The following PACRG variants were observed in gnomAD, a reference collection of about 807,000 sequenced individuals.
PACRG encodes the protein parkin coregulated.
Under a neutral mutation model 29.7 loss-of-function variants are expected in PACRG, and 29 were observed. The ratio of observed to expected loss-of-function variants is 0.98; its 90% CI spans 0.73 to 1.33. The LOEUF (loss-of-function observed/expected upper bound fraction) is 1.33. Ranked by LOEUF, PACRG falls within the 40% of genes most tolerant of loss-of-function variation. PACRG has a pLI of 0.00. For missense variants in PACRG, 279 were observed against 316.2 expected, an observed-to-expected ratio of 0.88 and a Z score of 0.89; for synonymous variants, 116 against 118.7, an observed-to-expected ratio of 0.98 and a Z score of 0.15.
intron 4 of PACRG, among the ~76,000 whole-genome samples, chr6:163,118,724 TTAA>T (rs1414801764): frequency 6.6e-6 from 1 of 152,226 alleles, no homozygotes; most frequent in Non-Finnish European, 1.5e-5. Context: ...CTGGTTTGAC[TTAA>T]TAAGGTAACA....
chr6:162,738,566 CT>C (rs1002925138), intron 1 of PACRG, among the ~76,000 whole-genome samples: 22 of 152,248 alleles, frequency 1.4e-4, no homozygotes, highest in African/African-American at 5.1e-4. Context: ...TTGGAAGCAT[CT>C]AATGTGAGGC....
At position 163,197,996 on chromosome 6, in the gene PACRG, C is replaced by G. The variant is rs1016099026; in HGVS notation, c.613+108588C>G. Among the ~76,000 whole-genome samples, 6 of 152,334 alleles carry G rather than the reference C, an allele frequency of 3.9e-5. No homozygotes were observed. In the South Asian group the frequency reaches 8.3e-4, roughly 21 times the overall value. ...CATAGGGATATAATGACTTCATCAT[C>G]ACTGATGCAAAGAGAGGTTTCTAGA... On this transcript the variant is annotated intron_variant, in intron 4 of 4. Transcript: ENST00000366888.
At chr6:163,087,937 A>C (rs1813751934) in intron 3 of PACRG, among the ~76,000 whole-genome samples, 1 of 152,222 alleles carries the variant, frequency 6.6e-6, no homozygotes, top group Admixed American at 6.5e-5. Flanking sequence ...AGATACTGCA[A>C]AAGGAAAACC....
chr6:162,838,867 T>A (rs949776994), intron 2 of PACRG, among the ~76,000 whole-genome samples: 20 of 149,500 alleles, frequency 1.3e-4, no homozygotes, highest in Non-Finnish European at 1.9e-4. Context: ...CTTGCGATAG[T>A]TTACTGAGAA....
chr6:163,210,796 G>T (rs1304500803), intron 4 of PACRG, among the ~76,000 whole-genome samples: 1 of 152,160 alleles, frequency 6.6e-6, no homozygotes, highest in Non-Finnish European at 1.5e-5. Context: ...GAAGATATAG[G>T]ACATGTTAAG....
chr6:162,918,900 G>C (rs1796877652), intron 2 of PACRG, among the ~76,000 whole-genome samples: 1 of 151,998 alleles, frequency 6.6e-6, no homozygotes, highest in Non-Finnish European at 1.5e-5. Context: ...ATAATTAATA[G>C]TTATTTAATA....
At chr6:163,223,943 C>T (rs1231731169) in intron 4 of PACRG, among the ~76,000 whole-genome samples, 4 of 152,306 alleles carry the variant, frequency 2.6e-5, no homozygotes, top group Non-Finnish European at 4.4e-5. Context: ...ACAGAAATAA[C>T]GCCTATAAGA....
intron 4 of PACRG, among the ~76,000 whole-genome samples, chr6:163,134,925 C>G (rs1816868570): frequency 6.6e-6 from 1 of 152,164 alleles, no homozygotes; most frequent in South Asian, 2.1e-4. Context: ...CCGACACCAC[C>G]TGTGGACCCC....
At chr6:163,051,087 T>A (rs1809960875) in intron 2 of PACRG, among the ~76,000 whole-genome samples, 1 of 152,260 alleles carries the variant, frequency 6.6e-6, no homozygotes, top group African/African-American at 2.4e-5. Flanking sequence ...TCCAGATCTC[T>A]AATTCTCTTT....
chr6:163,211,715 A>G (rs1418615540), intron 4 of PACRG, among the ~76,000 whole-genome samples: 3 of 152,196 alleles, frequency 2.0e-5, no homozygotes, highest in African/African-American at 2.4e-5. Flanking sequence ...AGAGTTACCA[A>G]TGTAAGCAGT....
At chr6:163,287,306 G>GT (rs1161792947) in intron 4 of PACRG, among the ~76,000 whole-genome samples, 3 of 152,056 alleles carry the variant, frequency 2.0e-5, no homozygotes, top group African/African-American at 4.8e-5. Context: ...TCTGAACAAC[G>GT]TTTTGGAAAC....
Position 162,829,390 on chromosome 6 carries a change from A to T in PACRG, c.291+15109A>T, listed in dbSNP as rs117023396. ...TGTATCTGAGAAATTAATGGAATTA[A>T]ATGAAAAGAGATGAAACTGAGTATT... is the stretch of plus-strand genomic sequence containing the variant. On this transcript the variant is annotated intron_variant, in intron 2 of 4. Transcript: ENST00000366888. Among the ~76,000 whole-genome samples, 53 of 152,382 alleles carry T rather than the reference A, an allele frequency of 3.5e-4. No homozygotes were observed. The East Asian group carries it at 7.5e-3, about 22-fold the overall frequency.
At chr6:162,875,713 C>T (rs989347137) in intron 2 of PACRG, among the ~76,000 whole-genome samples, 1 of 152,144 alleles carries the variant, frequency 6.6e-6, no homozygotes, top group Admixed American at 6.5e-5. Context: ...TAATTGTGTC[C>T]TTGACTTGGG....
chr6:163,206,170 TAAAAC>T (rs755935873), intron 4 of PACRG, among the ~76,000 whole-genome samples: 21 of 152,142 alleles, frequency 1.4e-4, no homozygotes, highest in Non-Finnish European at 2.5e-4. Context: ...TCAAAGAACT[TAAAAC>T]AGAATTACCA....
At chr6:162,867,577 C>T (rs1792406204) in intron 2 of PACRG, among the ~76,000 whole-genome samples, 1 of 152,134 alleles carries the variant, frequency 6.6e-6, no homozygotes, top group African/African-American at 2.4e-5. Flanking sequence ...TCAAAAGGCC[C>T]GCCATCTTTG....
intron 2 of PACRG, among the ~76,000 whole-genome samples, chr6:162,910,949 A>G (rs759681495): frequency 2.0e-5 from 3 of 152,218 alleles, no homozygotes; most frequent in Non-Finnish European, 4.4e-5. Flanking sequence ...AGGATTATAT[A>G]TAACTCATTT....
chr6:162,871,784 A>G (rs923193848), intron 2 of PACRG, among the ~76,000 whole-genome samples: 42 of 151,966 alleles, frequency 2.8e-4, no homozygotes, highest in African/African-American at 6.0e-4. Context: ...TGGGCGTGGT[A>G]GCAGGCGCCT....
rs549505445 is a variant in PACRG, at chr6:163,232,251, A to G, written c.614-82576A>G. On this transcript the variant is annotated intron_variant, in intron 4 of 4. Transcript: ENST00000366888. ...TGAAGATTAGCGTCACACTCTTATA[A>G]TAGAGAAGAGTTCACCTGCACCAGG... Among the ~76,000 whole-genome samples the G allele has an allele frequency of 2.7e-3, 417 of 152,202 alleles. 2 individuals carry two copies. The highest frequency in any genetic ancestry group is 5.0e-3 in the Non-Finnish European group (342 of 68,022).
intron 3 of PACRG, among the ~76,000 whole-genome samples, chr6:163,071,829 A>G (rs1487325918): frequency 1.3e-5 from 2 of 151,986 alleles, no homozygotes; most frequent in Non-Finnish European, 2.9e-5. Flanking sequence ...TGGAAAATCT[A>G]GAGGAAACTG....
Sources: gnomAD v4.1 joint callset for allele counts (sites outside exome capture counted in the v4.1 genomes callset) on GRCh38, gnomAD v4.1.1 for gene constraint, MANE v1.5 for transcripts, NCBI Gene and HGNC (gene_info 2026-07-23, HGNC 2026-07-21) for gene names.